The following CCDC30 variants were observed in gnomAD, a reference collection of about 807,000 sequenced individuals.
CCDC30 encodes the protein coiled-coil domain-containing protein 30.
A neutral mutation model predicts 100.2 loss-of-function variants in CCDC30; 70 were observed. The observed-to-expected ratio is 0.70, with a 90% CI of 0.58 to 0.85. The LOEUF (loss-of-function observed/expected upper bound fraction) is 0.85, where lower values mean the gene tolerates loss of function less well. CCDC30 is among the 40% of genes least tolerant of loss of function. The pLI is 0.00. For missense variants in CCDC30, 652 were observed against 771.2 expected (o/e 0.85, Z 1.83); for synonymous variants, 233 against 269.5 (o/e 0.86, Z 1.33).
At chr1:42,618,427 G>A (rs1314393633) in intron 11 of CCDC30, among the ~76,000 whole-genome samples, 1 of 151,922 alleles carries the variant, frequency 6.6e-6, no homozygotes, top group Non-Finnish European at 1.5e-5. Flanking sequence ...ATAGAGACAG[G>A]GTTTCTCCAT....
intron 11 of CCDC30, among the ~76,000 whole-genome samples, chr1:42,616,758 A>T (rs1010930617): frequency 1.3e-5 from 2 of 152,218 alleles, no homozygotes; most frequent in Non-Finnish European, 2.9e-5. Context: ...AGACCGAACC[A>T]ATAGTAGCGA....
At chr1:42,487,037 G>A (rs1644062058) in intron 3 of CCDC30, among the ~76,000 whole-genome samples, 1 of 149,540 alleles carries the variant, frequency 6.7e-6, no homozygotes, top group African/African-American at 2.5e-5. Flanking sequence ...TTGCCACTTG[G>A]AAGGCTGAGG....
intron 6 of CCDC30, among the ~76,000 whole-genome samples, chr1:42,560,179 A>G (rs1327239005): frequency 6.6e-6 from 1 of 152,196 alleles, no homozygotes; most frequent in Non-Finnish European, 1.5e-5. Context: ...AATGCCCACA[A>G]TAAGAAGGCT....
chr1:42,486,912 G>A (rs1163995025), intron 3 of CCDC30, among the ~76,000 whole-genome samples: 2 of 152,140 alleles, frequency 1.3e-5, no homozygotes, highest in Non-Finnish European at 2.9e-5. Flanking sequence ...AGATGCAAAA[G>A]ATCATATATT....
chr1:42,630,538 A>G (rs1214361353), intron 11 of CCDC30, among the ~76,000 whole-genome samples: 1 of 151,316 alleles, frequency 6.6e-6, no homozygotes, highest in Non-Finnish European at 1.5e-5. Flanking sequence ...GCGTGCCACC[A>G]CACCTAGCTA....
chr1:42,488,314 C>CT (rs567864740), intron 3 of CCDC30, among the ~76,000 whole-genome samples: 45 of 151,810 alleles, frequency 3.0e-4, no homozygotes, highest in African/African-American at 1.1e-3. Context: ...CTAAAATTTT[C>CT]TTTTTTTTCT....
At chr1:42,575,635 G>A (rs1234714878) in intron 7 of CCDC30, among the ~76,000 whole-genome samples, 2 of 11,236 alleles carry the variant, frequency 1.8e-4, no homozygotes, top group Admixed American at 2.2e-3. Flanking sequence ...GGGCGACAGA[G>A]AGAGACCCTG....
At chr1:42,599,173 A>G (rs1646352115) in intron 10 of CCDC30, among the ~76,000 whole-genome samples, 2 of 152,200 alleles carry the variant, frequency 1.3e-5, no homozygotes, top group South Asian at 2.1e-4. Flanking sequence ...TATGTGTGTC[A>G]TATATAACTG....
chr1:42,522,428 C>T (rs1160253408), intron 6 of CCDC30, among the ~76,000 whole-genome samples: 1 of 152,146 alleles, frequency 6.6e-6, no homozygotes, highest in African/African-American at 2.4e-5. Flanking sequence ...CCACTTATTT[C>T]CTGCATTACC....
At chr1:42,641,509 C>T (rs1647389241) in intron 12 of CCDC30, among the ~76,000 whole-genome samples, 1 of 151,714 alleles carries the variant, frequency 6.6e-6, no homozygotes, top group Non-Finnish European at 1.5e-5. Context: ...CATGATTGTA[C>T]CACTGCACCC....
intron 10 of CCDC30, among the ~76,000 whole-genome samples, chr1:42,609,340 A>C (rs1353517755): frequency 1.3e-5 from 2 of 152,214 alleles, no homozygotes; most frequent in African/African-American, 2.4e-5. Flanking sequence ...AGTACAATAC[A>C]TGATACACAT....
rs746999118 is a variant in CCDC30, at chr1:42,497,091, G to A, written c.242-7G>A. On this transcript the variant is annotated splice_region_variant and splice_polypyrimidine_tract_variant and intron_variant, in intron 4 of 16. Coordinates refer to ENST00000668663, the Ensembl canonical transcript of CCDC30. ...AGTTGAGTAAACTGTGTTCTTCTCT[G>A]TTTTAGATGCAGCTGACCTACAGAA... 1 of 1,225,726 alleles carries A rather than the reference G, an allele frequency of 8.2e-7. No homozygotes were observed. The highest frequency in any genetic ancestry group is 1.0e-6 in the Non-Finnish European group (1 of 980,378). The allele number at this position is 1,225,726 out of a possible 1,614,324, so 75.9% of individuals were successfully genotyped here.
intron 6 of CCDC30, among the ~76,000 whole-genome samples, chr1:42,533,071 TTG>T (rs1644832220): frequency 6.6e-6 from 1 of 152,238 alleles, no homozygotes; most frequent in Non-Finnish European, 1.5e-5. Flanking sequence ...GCTTTTAGTT[TTG>T]ACGTAAATCT....
chr1:42,539,434 C>A, intron 6 of CCDC30, 124 bp downstream of exon 8: 1 of 768,674 alleles, frequency 1.3e-6, no homozygotes, highest in Non-Finnish European at 2.0e-6. Context: ...ATTATTATAG[C>A]ATAAATTGCC....
At chr1:42,574,561 A>G (rs1185404877) in intron 7 of CCDC30, among the ~76,000 whole-genome samples, 3 of 152,072 alleles carry the variant, frequency 2.0e-5, no homozygotes, top group Admixed American at 6.6e-5. Context: ...ATTTTATTAG[A>G]CTGTTTAAAG....
intron 15 of CCDC30, among the ~76,000 whole-genome samples, chr1:42,652,440 G>C (rs1236744486): frequency 6.6e-6 from 1 of 152,098 alleles, no homozygotes; most frequent in Non-Finnish European, 1.5e-5. Flanking sequence ...ATATATCATA[G>C]CATCACTTTG....
At chr1:42,456,754 G>A in the CCDC30 span, 1 of 1,611,770 alleles carries the variant, frequency 6.2e-7, no homozygotes, top group Non-Finnish European at 8.5e-7. Context: ...TCAGCAGCGG[G>A]CGGCGCGGTG....
chr1:42,557,659 T>A (rs970237716), intron 6 of CCDC30, among the ~76,000 whole-genome samples: 11 of 147,530 alleles, frequency 7.5e-5, no homozygotes, highest in African/African-American at 1.5e-4. Context: ...ATTTTATTTA[T>A]ATTAAATATA....
chr1:42,491,324 A>G (rs911451132), intron 4 of CCDC30, among the ~76,000 whole-genome samples: 1 of 152,196 alleles, frequency 6.6e-6, no homozygotes, highest in African/African-American at 2.4e-5. Flanking sequence ...ACTGGAAGTC[A>G]TTATGCTAAC....
Sources: gnomAD v4.1 joint callset for allele counts (sites outside exome capture counted in the v4.1 genomes callset) on GRCh38, gnomAD v4.1.1 for gene constraint, MANE v1.5 for transcripts, NCBI Gene and HGNC (gene_info 2026-07-23, HGNC 2026-07-21) for gene names.